IL1RAPL2: variants seen among roughly 807,000 people sequenced by gnomAD.
The protein encoded by IL1RAPL2 is interleukin 1 receptor accessory protein like 2, also known as X-linked interleukin-1 receptor accessory protein-like 2.
In IL1RAPL2, 3 loss-of-function variants were observed where a neutral mutation model predicts 44.1. That is an observed-to-expected ratio of 0.07 (90% CI 0.03 to 0.18). The LOEUF (loss-of-function observed/expected upper bound fraction) is 0.18. IL1RAPL2 is among the 10% of genes least tolerant of loss of function. The probability of loss-of-function intolerance (pLI) is 1.00; values close to 1 mark genes in which losing one functional copy is unlikely to be tolerated. For missense variants in IL1RAPL2, 391 were observed against 496.4 expected (o/e 0.79, Z 2.02); for synonymous variants, 181 against 178.8 (o/e 1.01, Z -0.10).
rs188993110 is a variant in IL1RAPL2, at chrX:105,549,220, G to A, written c.772+64833G>A. On this transcript the variant is annotated intron_variant, in intron 6 of 10. Coordinates refer to ENST00000372582, the MANE Select transcript of IL1RAPL2 (RefSeq NM_017416.2). ...TCATAGTCCCCAAGTTAATAGCAAT[G>A]ACTGGAATATTTTTATCTGTCATAT... Among the ~76,000 whole-genome samples, 7 of 112,058 alleles carry A rather than the reference G, an allele frequency of 6.2e-5. No homozygotes were observed. In the East Asian group the frequency reaches 1.1e-3, roughly 18 times the overall value.
At chrX:104,822,609 A>ATATCTG (rs1297883133) in intron 2 of IL1RAPL2, among the ~76,000 whole-genome samples, 1 of 111,586 alleles carries the variant, frequency 9.0e-6, no homozygotes, top group African/African-American at 3.3e-5. Flanking sequence ...TTTGGTCTAT[A>ATATCTG]TATCTGTTTT....
At chrX:105,037,577 G>A (rs1015587708) in intron 2 of IL1RAPL2, among the ~76,000 whole-genome samples, 6 of 110,971 alleles carry the variant, frequency 5.4e-5, no homozygotes, top group Admixed American at 1.9e-4. Context: ...CCTCTAATAG[G>A]TATTTATCCC....
At chrX:105,155,555 A>G (rs919189393) in intron 2 of IL1RAPL2, among the ~76,000 whole-genome samples, 3 of 111,187 alleles carry the variant, frequency 2.7e-5, no homozygotes, top group African/African-American at 9.8e-5. Context: ...TTTAAAATGT[A>G]TCATGTAGAA....
intron 6 of IL1RAPL2, among the ~76,000 whole-genome samples, chrX:105,670,145 A>ATATATATATATATC (rs2037809440): frequency 2.5e-5 from 1 of 40,252 alleles, no homozygotes; most frequent in Non-Finnish European, 5.4e-5. Flanking sequence ...ATATATATAT[A>ATATATATATATATC]TATCTCCACC....
At chrX:105,144,933 A>G (rs1259365451) in intron 2 of IL1RAPL2, among the ~76,000 whole-genome samples, 1 of 110,739 alleles carries the variant, frequency 9.0e-6, no homozygotes, top group African/African-American at 3.3e-5. Context: ...AAATCACCCT[A>G]TATTCCCCGC....
At chrX:105,323,447 A>G (rs1001828499) in intron 5 of IL1RAPL2, among the ~76,000 whole-genome samples, 6 of 111,924 alleles carry the variant, frequency 5.4e-5, no homozygotes, top group African/African-American at 1.6e-4. Context: ...GGGACAGACA[A>G]TCATCAGTGC....
chrX:105,738,008 A>C (rs1277016691), intron 7 of IL1RAPL2, among the ~76,000 whole-genome samples: 1 of 111,731 alleles, frequency 9.0e-6, no homozygotes, highest in Non-Finnish European at 1.9e-5. Context: ...ATGGTACATA[A>C]ATGTAAAGGG....
chrX:104,855,424 G>A (rs1922331183), intron 2 of IL1RAPL2, among the ~76,000 whole-genome samples: 1 of 111,261 alleles, frequency 9.0e-6, no homozygotes, highest in South Asian at 3.8e-4. Context: ...CAGAAGCCAA[G>A]GCCAATATAC....
At chrX:105,497,605 G>C (rs1198539862) in intron 6 of IL1RAPL2, among the ~76,000 whole-genome samples, 3 of 111,612 alleles carry the variant, frequency 2.7e-5, no homozygotes, top group Non-Finnish European at 5.6e-5. Context: ...ACTAAGGCCA[G>C]ACAAAGACAC....
At chrX:105,742,265 A>G (rs1017275162) in intron 8 of IL1RAPL2, among the ~76,000 whole-genome samples, 1 of 111,400 alleles carries the variant, frequency 9.0e-6, no homozygotes, top group Non-Finnish European at 1.9e-5. Flanking sequence ...AGATAGACAT[A>G]CCCAGGTCTT....
intron 2 of IL1RAPL2, among the ~76,000 whole-genome samples, chrX:104,961,620 A>G (rs914622323): frequency 9.0e-6 from 1 of 111,515 alleles, no homozygotes; most frequent in Non-Finnish European, 1.9e-5. Flanking sequence ...CATTCCTCCA[A>G]GAACTCTCAA....
At chrX:105,078,528 C>T (rs1256503948) in intron 2 of IL1RAPL2, among the ~76,000 whole-genome samples, 1 of 112,364 alleles carries the variant, frequency 8.9e-6, no homozygotes, top group Admixed American at 9.4e-5. Flanking sequence ...TCTCCAGCTG[C>T]ATGCTGGGAG....
chrX:104,730,373 C>G (rs201569910), intron 2 of IL1RAPL2, among the ~76,000 whole-genome samples: 1 of 63,215 alleles, frequency 1.6e-5, no homozygotes, highest in African/African-American at 5.0e-5. Flanking sequence ...TCCCTCCCCT[C>G]CCCCCCACCC....
chrX:104,680,989 TTCTTA>T (rs1441723596), intron 2 of IL1RAPL2, among the ~76,000 whole-genome samples: 1 of 112,207 alleles, frequency 8.9e-6, no homozygotes, highest in Non-Finnish European at 1.9e-5. Flanking sequence ...ACTGGGACAG[TTCTTA>T]TCTTTTTATC....
chrX:105,263,073 C>T (rs748557553), intron 4 of IL1RAPL2, among the ~76,000 whole-genome samples: 3 of 109,990 alleles, frequency 2.7e-5, no homozygotes, highest in South Asian at 4.0e-4. Flanking sequence ...TTAGTAGAGA[C>T]GGTGTTTCTC....
chrX:104,792,543 T>C (rs1266199327), intron 2 of IL1RAPL2, among the ~76,000 whole-genome samples: 1 of 111,655 alleles, frequency 9.0e-6, no homozygotes, highest in Non-Finnish European at 1.9e-5. Flanking sequence ...AATATTGTTA[T>C]AGCATTTATG....
intron 2 of IL1RAPL2, among the ~76,000 whole-genome samples, chrX:104,800,152 G>A (rs902072057): frequency 2.7e-5 from 3 of 111,088 alleles, no homozygotes; most frequent in African/African-American, 9.8e-5. Context: ...TTAGTGACAG[G>A]CAATATGGCT....
At chrX:105,375,435 T>C (rs749868669) in intron 5 of IL1RAPL2, among the ~76,000 whole-genome samples, 3 of 111,066 alleles carry the variant, frequency 2.7e-5, no homozygotes, top group African/African-American at 9.8e-5. Context: ...CACTTGAATC[T>C]GGGAGGCGGA....
chrX:104,771,742 T>C (rs937678885), intron 2 of IL1RAPL2, among the ~76,000 whole-genome samples: 1 of 111,477 alleles, frequency 9.0e-6, no homozygotes, highest in Non-Finnish European at 1.9e-5. Context: ...GGGCTGCTTG[T>C]GCTCAGTAGC....
Sources: allele counts gnomAD v4.1 joint callset (sites outside exome capture counted in the v4.1 genomes callset), GRCh38; gene constraint gnomAD v4.1.1; transcripts MANE v1.5; gene names NCBI Gene and HGNC (gene_info 2026-07-23, HGNC 2026-07-21).